Variants in WDPCP observed in about 807,000 individuals in gnomAD.
WDPCP encodes the protein WD repeat-containing and planar cell polarity effector protein fritz homolog.
A neutral mutation model predicts 93.1 loss-of-function variants in WDPCP; 71 were observed. The ratio of observed to expected loss-of-function variants is 0.76; its 90% CI spans 0.63 to 0.93. The LOEUF is 0.93. Ranked by LOEUF, WDPCP falls within the 40% of genes least tolerant of loss-of-function variation. The probability of loss-of-function intolerance (pLI) is 0.00; values close to 1 mark genes in which losing one functional copy is unlikely to be tolerated. For missense variants in WDPCP, 844 were observed against 887.4 expected (o/e 0.95, Z 0.62); for synonymous variants, 315 against 315.0 (o/e 1.00, Z 0.00).
chr2:63,770,238 C>G (rs916472942), intron 2 of WDPCP, among the ~76,000 whole-genome samples: 1 of 151,906 alleles, frequency 6.6e-6, no homozygotes, highest in Admixed American at 6.6e-5. Flanking sequence ...TGAACGTGTC[C>G]AATCTCATCT....
At chr2:63,813,267 C>A (rs1670886706) in intron 2 of WDPCP, among the ~76,000 whole-genome samples, 1 of 152,052 alleles carries the variant, frequency 6.6e-6, no homozygotes, top group South Asian at 2.1e-4. Flanking sequence ...GTGCCATTTA[C>A]CAAGTTAGGA....
intron 17 of WDPCP, among the ~76,000 whole-genome samples, chr2:63,137,013 A>G (rs968817684): frequency 1.3e-5 from 2 of 152,174 alleles, no homozygotes; most frequent in Admixed American, 1.3e-4. Context: ...TAGTGCTGCA[A>G]TGAACATATG....
intron 13 of WDPCP, among the ~76,000 whole-genome samples, chr2:63,261,013 C>G (rs1314659742): frequency 2.0e-5 from 3 of 152,144 alleles, no homozygotes; most frequent in Non-Finnish European, 4.4e-5. Flanking sequence ...TTGAAATTAG[C>G]TTTTGCTGCA....
intron 1 of WDPCP, among the ~76,000 whole-genome samples, chr2:63,563,299 C>G (rs761551203): frequency 2.1e-4 from 32 of 151,768 alleles, no homozygotes; most frequent in Non-Finnish European, 2.8e-4. Flanking sequence ...GAAAATGCCA[C>G]ATATGGAACG....
In WDPCP at chr2:63,508,300, A is replaced by C. The variant is rs532311045; in HGVS notation, c.76-15360T>G. 1.4e-4 allele frequency among the ~76,000 whole-genome samples: 21 copies of C among 152,316 alleles called. No homozygotes were observed. In the South Asian group the frequency reaches 4.3e-3, roughly 32 times the overall value. ...AATAATCAACTATCTTAAAGAAAAG[A>C]ATTTTCAACCCAGAATTTCATATGC... On this transcript the variant is annotated intron_variant, in intron 1 of 17. Transcript: ENST00000272321.
chr2:63,568,302 AGAAG>A (rs1454023853), intron 1 of WDPCP, among the ~76,000 whole-genome samples: 4 of 152,026 alleles, frequency 2.6e-5, no homozygotes, highest in Non-Finnish European at 4.4e-5. Context: ...TAGGTTAGAA[AGAAG>A]GAAGAAGTCT....
chr2:63,340,648 GCAGAAT>G (rs1688770262), intron 12 of WDPCP, among the ~76,000 whole-genome samples: 1 of 152,120 alleles, frequency 6.6e-6, no homozygotes, highest in South Asian at 2.1e-4. Context: ...TTGTTGCCAG[GCAGAAT>G]AGGAGTAAGG....
intron 14 of WDPCP, among the ~76,000 whole-genome samples, chr2:63,253,258 T>C (rs1295439759): frequency 6.6e-6 from 1 of 152,276 alleles, no homozygotes. Flanking sequence ...TAATTAAATG[T>C]ATGACCTCAT....
Position 63,124,260 on chromosome 2 carries a change from A to G in WDPCP, c.2191-2204T>C, listed in dbSNP as rs180694625. Among the ~76,000 whole-genome samples, 4 of 152,110 alleles carry G rather than the reference A, an allele frequency of 2.6e-5. No individual in the cohort carries two copies. In the East Asian group the frequency reaches 5.8e-4, roughly 22 times the overall value. The stretch of plus-strand genomic sequence containing the variant: ...GTTTGGGAGGAGGTGATTTTGTTCA[A>G]TAATAGGAAGTTGTGGTTCCAAGGA... On this transcript the variant is annotated intron_variant, in intron 17 of 17. Coordinates refer to ENST00000272321, the MANE Select transcript of WDPCP (RefSeq NM_015910.7).
Position 63,802,281 on chromosome 2 carries a change from T to TAAAAAAAAAAAAA in WDPCP, n.308+11328_308+11340dup, listed in dbSNP as rs58717654. 2.2e-4 allele frequency among the ~76,000 whole-genome samples: 12 copies of TAAAAAAAAAAAAA among 54,402 alleles called. 1 individual carries two copies. Among genetic ancestry groups the TAAAAAAAAAAAAA allele is most frequent in the South Asian group, 1.3e-3 (1 of 798 alleles). The allele number at this position is 54,402 out of a possible 152,430, so 35.7% of individuals were successfully genotyped here. The stretch of plus-strand genomic sequence containing the variant: ...GGCAACATTATGATACCCTCTCTCT[T>TAAAAAAAAAAAAA]AAAAAAAAAAAAAAAAAAAAAAAAA... On this transcript the variant is annotated intron_variant and non_coding_transcript_variant, in intron 2 of 4. Coordinates refer to the WDPCP transcript ENST00000467687.
At chr2:63,595,431 T>C (rs750637827) in intron 3 of WDPCP, 1 of 1,605,488 alleles carries the variant, frequency 6.2e-7, no homozygotes, top group Non-Finnish European at 8.5e-7. Context: ...AGCCTATAAT[T>C]CTTGTGCTGT....
intron 13 of WDPCP, among the ~76,000 whole-genome samples, chr2:63,297,773 G>A (rs959186128): frequency 2.6e-5 from 4 of 152,128 alleles, no homozygotes; most frequent in Admixed American, 6.5e-5. Flanking sequence ...TAGTTACACT[G>A]TGAGAGTAAT....
chr2:63,454,195 G>A (rs1421009554), intron 6 of WDPCP, among the ~76,000 whole-genome samples: 8 of 151,964 alleles, frequency 5.3e-5, no homozygotes, highest in South Asian at 2.1e-4. Flanking sequence ...AGGAGTTCAT[G>A]TCCTTTCCAG....
At chr2:63,620,180 AC>A (rs1709720955) in intron 3 of WDPCP, among the ~76,000 whole-genome samples, 1 of 151,540 alleles carries the variant, frequency 6.6e-6, no homozygotes, top group African/African-American at 2.4e-5. Context: ...AGAAGCGTTC[AC>A]CCCCCTGGAA....
chr2:63,838,038 T>G, the WDPCP span, among the ~76,000 whole-genome samples: 2 of 152,016 alleles, frequency 1.3e-5, no homozygotes, highest in East Asian at 3.9e-4. Context: ...GAGGTTGCAT[T>G]GAGCCGAGAT....
At chr2:63,463,767 C>CT (rs1441088134) in intron 6 of WDPCP, among the ~76,000 whole-genome samples, 1 of 152,096 alleles carries the variant, frequency 6.6e-6, no homozygotes, top group Non-Finnish European at 1.5e-5. Context: ...ACAAACGATG[C>CT]TGAGAAAACT....
intron 2 of WDPCP, among the ~76,000 whole-genome samples, chr2:63,490,691 C>T (rs146876328): frequency 9.2e-5 from 14 of 152,214 alleles, no homozygotes; most frequent in African/African-American, 3.1e-4. Context: ...CTCTAAAAAC[C>T]ATTCACTGAC....
intron 1 of WDPCP, among the ~76,000 whole-genome samples, chr2:63,501,632 T>C (rs1701558579): frequency 6.6e-6 from 1 of 152,206 alleles, no homozygotes; most frequent in Admixed American, 6.5e-5. Context: ...CTTTCTTTTT[T>C]GGAGATGGAG....
intron 1 of WDPCP, among the ~76,000 whole-genome samples, chr2:63,514,460 T>C (rs757157731): frequency 6.6e-6 from 1 of 152,112 alleles, no homozygotes; most frequent in Non-Finnish European, 1.5e-5. Flanking sequence ...ATACAGCTAA[T>C]CATATTACCT....
Sources: gnomAD v4.1 joint callset for allele counts (sites outside exome capture counted in the v4.1 genomes callset) on GRCh38, gnomAD v4.1.1 for gene constraint, MANE v1.5 for transcripts, NCBI Gene and HGNC (gene_info 2026-07-23, HGNC 2026-07-21) for gene names.